The following LEF1 variants were observed in gnomAD, a reference collection of about 807,000 sequenced individuals.
LEF1 encodes the protein lymphoid enhancer-binding factor 1.
A neutral mutation model predicts 51.2 loss-of-function variants in LEF1; 14 were observed. That is an observed-to-expected ratio of 0.27 (90% CI 0.18 to 0.43). The LOEUF (loss-of-function observed/expected upper bound fraction) is 0.43. Among genes scored for constraint, LEF1 ranks in the 20% least tolerant of loss-of-function variants. LEF1 has a pLI of 1.00. For missense variants in LEF1, 386 were observed against 512.0 expected, an observed-to-expected ratio of 0.75 and a Z score of 2.37; for synonymous variants, 185 against 183.2, an observed-to-expected ratio of 1.01 and a Z score of -0.08.
At position 108,074,279 on chromosome 4, in the gene LEF1, AT is replaced by A. The variant is rs1373890843; in HGVS notation, c.1009-3510del. ...TCAAACTTTTTAAAAATCAAATCTC[AT>A]TGTCAAGATTTCACCAAGTTGTGGG... On this transcript the variant is annotated intron_variant, in intron 8 of 11. Transcript: ENST00000265165. 4.6e-5 allele frequency among the ~76,000 whole-genome samples: 7 copies of A among 152,286 alleles called. No individual in the cohort carries two copies. In the East Asian group the frequency reaches 1.4e-3, roughly 29 times the overall value.
At chr4:108,118,770 C>A (rs1741989990) in intron 3 of LEF1, among the ~76,000 whole-genome samples, 1 of 152,058 alleles carries the variant, frequency 6.6e-6, no homozygotes, top group Non-Finnish European at 1.5e-5. Context: ...ATGTACTGAA[C>A]CTGTGTGGTT....
intron 8 of LEF1, among the ~76,000 whole-genome samples, chr4:108,073,689 T>C (rs1253350088): frequency 1.3e-5 from 2 of 152,036 alleles, no homozygotes; most frequent in Admixed American, 6.5e-5. Context: ...AACAACGAGG[T>C]ATTTTTCAGT....
chr4:108,121,175 T>A (rs1479923172), intron 3 of LEF1, among the ~76,000 whole-genome samples: 2 of 152,232 alleles, frequency 1.3e-5, no homozygotes, highest in Non-Finnish European at 2.9e-5. Flanking sequence ...GACACTAGCA[T>A]TTTTTAACTG....
At chr4:108,099,681 C>T (rs1254193691) in intron 3 of LEF1, among the ~76,000 whole-genome samples, 6 of 146,506 alleles carry the variant, frequency 4.1e-5, no homozygotes, top group African/African-American at 1.5e-4. Flanking sequence ...TAGGTATACA[C>T]GTGCCCTGGT....
chr4:108,052,265 C>T (rs1737049787), intron 11 of LEF1, among the ~76,000 whole-genome samples: 1 of 152,226 alleles, frequency 6.6e-6, no homozygotes, highest in Non-Finnish European at 1.5e-5. Context: ...CATGTAATAT[C>T]ACTTCCTTAT....
chr4:108,058,765 C>A (rs781612697), intron 11 of LEF1, among the ~76,000 whole-genome samples: 1 of 152,180 alleles, frequency 6.6e-6, no homozygotes, highest in Non-Finnish European at 1.5e-5. Context: ...GAAGCTCCTC[C>A]AGGAAGGGAT....
chr4:108,118,313 A>G (rs931701774), intron 3 of LEF1, among the ~76,000 whole-genome samples: 1 of 152,242 alleles, frequency 6.6e-6, no homozygotes, highest in Admixed American at 6.5e-5. Context: ...ACAAATCTAC[A>G]TTTCTGCATT....
At chr4:108,059,848 C>T (rs564154942) in intron 11 of LEF1, among the ~76,000 whole-genome samples, 60 of 152,186 alleles carry the variant, frequency 3.9e-4, no homozygotes, top group African/African-American at 1.3e-3. Flanking sequence ...AACACACCAC[C>T]GCACGCAGCT....
intron 3 of LEF1, among the ~76,000 whole-genome samples, chr4:108,116,152 G>A (rs1438985948): frequency 6.6e-6 from 1 of 152,132 alleles, no homozygotes; most frequent in Non-Finnish European, 1.5e-5. Flanking sequence ...GAGTTGGCTT[G>A]GAACTCAAAC....
chr4:108,050,038 C>T (rs1307211518), intron 11 of LEF1, among the ~76,000 whole-genome samples: 3 of 152,142 alleles, frequency 2.0e-5, no homozygotes, highest in African/African-American at 2.4e-5. Context: ...ATGCCCAATG[C>T]GGCCCCTAAA....
At chr4:108,067,049 A>G (rs1738126219) in intron 9 of LEF1, among the ~76,000 whole-genome samples, 1 of 152,370 alleles carries the variant, frequency 6.6e-6, no homozygotes, top group African/African-American at 2.4e-5. Context: ...ATCCCTGTAC[A>G]GTACTGTTAT....
intron 3 of LEF1, among the ~76,000 whole-genome samples, chr4:108,109,979 GT>G (rs1198025704): frequency 1.3e-5 from 2 of 152,148 alleles, no homozygotes; most frequent in African/African-American, 4.8e-5. Context: ...ATACAAATTA[GT>G]TTCTCCCAGT....
chr4:108,054,427 T>C (rs969899895), intron 11 of LEF1, among the ~76,000 whole-genome samples: 2 of 152,228 alleles, frequency 1.3e-5, no homozygotes, highest in Non-Finnish European at 2.9e-5. Flanking sequence ...GCCAGCTGCA[T>C]GGCCCTGGAC....
At position 108,106,317 on chromosome 4, in the gene LEF1, A is replaced by T. The variant is rs149042482; in HGVS notation, c.415-17060T>A. On this transcript the variant is annotated intron_variant, in intron 3 of 11. Transcript: ENST00000265165. ...ACACCTATAATGTGTAATGTTAAGAACAAAACCAGCCATTAGGAGATGAAA... is the reference window on the plus strand; with the variant it reads ...ACACCTATAATGTGTAATGTTAAGATCAAAACCAGCCATTAGGAGATGAAA... 3.2e-3 allele frequency among the ~76,000 whole-genome samples: 492 copies of T among 152,334 alleles called. 2 individuals are homozygous for T. Among genetic ancestry groups the T allele is most frequent in the Non-Finnish European group, 5.2e-3 (355 of 68,026 alleles).
At position 108,079,792 on chromosome 4, in the gene LEF1, G is replaced by T. The variant is rs561900093; in HGVS notation, c.723-178C>A. On this transcript the variant is annotated intron_variant, in intron 6 of 11. Transcript: ENST00000265165. ...TAATTATTTTTTTCTTTCTATATTC[G>T]GGTGGAAAAAAAAAAGTGAATCATT... Among the ~76,000 whole-genome samples the T allele has an allele frequency of 3.3e-5, 5 of 151,012 alleles. No individual in the cohort carries two copies. In the South Asian group the frequency reaches 1.0e-3, roughly 32 times the overall value.
Position 108,099,562 on chromosome 4 carries a change from G to GTATATATATATA in LEF1, c.415-10306_415-10305insTATATATATATA, listed in dbSNP as rs1481895769. Among the ~76,000 whole-genome samples, 167 of 57,650 alleles carry GTATATATATATA rather than the reference G, an allele frequency of 2.9e-3. 8 individuals carry two copies. Among genetic ancestry groups the GTATATATATATA allele is most frequent in the South Asian group, 6.2e-3 (10 of 1,614 alleles). The allele number at this position is 57,650 out of a possible 152,430, so 37.8% of individuals were successfully genotyped here. A position where few individuals can be genotyped will look rare whatever the true frequency, so the allele number is the denominator to read the frequency against. ...TGTATATGTGTGTGTGTGTATGTGT[G>GTATATATATATA]TGTGTGTGTATATATATATATATAT... is the stretch of plus-strand genomic sequence containing the variant. On this transcript the variant is annotated intron_variant, in intron 3 of 11. Coordinates refer to ENST00000265165, the MANE Select transcript of LEF1 (RefSeq NM_016269.5).
chr4:108,087,180 C>T (rs1739707472), intron 4 of LEF1, among the ~76,000 whole-genome samples: 1 of 152,146 alleles, frequency 6.6e-6, no homozygotes, highest in Admixed American at 6.5e-5. Flanking sequence ...ATGATACAAA[C>T]TCAGTATCAT....
At chr4:108,098,072 A>G (rs1740509389) in intron 3 of LEF1, among the ~76,000 whole-genome samples, 2 of 152,124 alleles carry the variant, frequency 1.3e-5, no homozygotes, top group Non-Finnish European at 2.9e-5. Context: ...TCAGAACCTC[A>G]TCAGCCATCA....
At chr4:108,162,560 G>GAAACACTGGGCAAGTAAGTC (rs1745127762) in intron 3 of LEF1, among the ~76,000 whole-genome samples, 1 of 151,958 alleles carries the variant, frequency 6.6e-6, no homozygotes, top group Non-Finnish European at 1.5e-5. Flanking sequence ...TCAGTTGGTA[G>GAAACACTGGGCAAGTAAGTC]AAACACTGGG....
Sources: allele counts gnomAD v4.1 joint callset (sites outside exome capture counted in the v4.1 genomes callset), GRCh38; gene constraint gnomAD v4.1.1; transcripts MANE v1.5; gene names NCBI Gene and HGNC (gene_info 2026-07-23, HGNC 2026-07-21).